Variants in TRMT44 observed in about 807,000 individuals in gnomAD.
TRMT44 encodes tRNA methyltransferase 44 homolog, also known as probable tRNA (uracil-O(2)-)-methyltransferase.
Under a neutral mutation model 77.3 loss-of-function variants are expected in TRMT44, and 78 were observed. The ratio of observed to expected loss-of-function variants is 1.01; its 90% CI spans 0.84 to 1.22. The LOEUF is 1.22. Ranked by LOEUF, TRMT44 falls within the 50% of genes most tolerant of loss-of-function variation. The pLI is 0.00. For missense variants in TRMT44, 1,090 were observed against 964.4 expected (o/e 1.13, Z -1.73); for synonymous variants, 391 against 383.3 (o/e 1.02, Z -0.23).
At chr4:8,467,334 A>C (rs547601684) in intron 8 of TRMT44, among the ~76,000 whole-genome samples, 38 of 152,154 alleles carry the variant, frequency 2.5e-4, no homozygotes, top group African/African-American at 8.9e-4. Flanking sequence ...CGGGCCCAGG[A>C]GTGTGGACTC....
intron 2 of TRMT44, among the ~76,000 whole-genome samples, chr4:8,490,305 C>T (rs1013745604): frequency 7.2e-5 from 11 of 152,328 alleles, no homozygotes; most frequent in Non-Finnish European, 1.2e-4. Context: ...CACAGACCCT[C>T]GCGGTGAGTG....
chr4:8,515,282 C>T, the TRMT44 span, among the ~76,000 whole-genome samples: 8 of 152,172 alleles, frequency 5.3e-5, no homozygotes, highest in Non-Finnish European at 1.0e-4. Flanking sequence ...TATTTATTTA[C>T]CACCCAATTT....
intron 2 of TRMT44, among the ~76,000 whole-genome samples, chr4:8,489,856 G>C (rs1372675987): frequency 1.3e-5 from 2 of 152,172 alleles, no homozygotes; most frequent in African/African-American, 2.4e-5. Context: ...CCGTCAGACT[G>C]GGGGAGGAGA....
intron 8 of TRMT44, among the ~76,000 whole-genome samples, chr4:8,466,452 C>T (rs938342775): frequency 2.6e-5 from 4 of 152,212 alleles, no homozygotes; most frequent in South Asian, 4.1e-4. Flanking sequence ...TGTGGGCACT[C>T]GCTGGCCGGC....
chr4:8,498,139 G>GT (rs144331820), downstream of TRMT44, among the ~76,000 whole-genome samples: 1,579 of 152,246 alleles, frequency 0.01, 28 homozygotes, highest in African/African-American at 0.036. This position sits in a 1 kb window ranked among gnomAD's most constrained non-coding sequence, Gnocchi z 4.3. Flanking sequence ...CTTCTCCGGG[G>GT]TTTTCTCCTC....
In TRMT44 at chr4:8,451,069, A is replaced by G. The variant is rs1560222883; in HGVS notation, c.955-891A>G. 1.3e-5 allele frequency among the ~76,000 whole-genome samples: 2 copies of G among 152,000 alleles called. No homozygotes were observed. The highest frequency in any genetic ancestry group is 2.9e-5 in the Non-Finnish European group (2 of 68,000). ...AGGCTTGAGCCACTGCCCGGCTTCC[A>G]TGTATTTTTTTAATCAGTCACGTCT... On this transcript the variant is annotated intron_variant, in intron 3 of 10. Coordinates refer to ENST00000389737, the MANE Select transcript of TRMT44 (RefSeq NM_152544.3). The surrounding 1 kb of genome is among the most constrained non-coding windows in gnomAD (Gnocchi z 4.1).
rs1342326447 is a variant in TRMT44 at position 8,444,835 on chromosome 4, A to T, written c.620-1641A>T. Among the ~76,000 whole-genome samples the T allele has an allele frequency of 1.3e-5, 2 of 152,368 alleles. No homozygotes were observed. The highest frequency in any genetic ancestry group is 4.1e-4 in the South Asian group (2 of 4,828). ...TTGCATGCCTGGATCAAAACATTTC[A>T]TGTACCCTGTAAATATATATACCTG... On this transcript the variant is annotated intron_variant, in intron 1 of 10. Transcript: ENST00000389737. This position sits in a 1 kb window ranked among gnomAD's most constrained non-coding sequence, Gnocchi z 4.0.
At chr4:8,510,646 C>T in the TRMT44 span, 1 of 152,552 alleles carries the variant, frequency 6.6e-6, no homozygotes, top group African/African-American at 2.4e-5. Context: ...AGGCGTGGAC[C>T]TCAGGGGGTG....
the TRMT44 span, among the ~76,000 whole-genome samples, chr4:8,505,809 C>T: frequency 6.6e-6 from 1 of 152,114 alleles, no homozygotes; most frequent in Non-Finnish European, 1.5e-5. Context: ...GGCGGTTTCC[C>T]CCATGCTGTT....
intron 2 of TRMT44, among the ~76,000 whole-genome samples, chr4:8,489,587 C>T (rs1264334207): frequency 6.6e-6 from 1 of 152,230 alleles, no homozygotes; most frequent in East Asian, 1.9e-4. Context: ...AGCGATTCTC[C>T]TGCCTCAGCC....
Position 8,446,485 on chromosome 4 carries a change from A to G in TRMT44, c.629A>G (p.Asn210Ser), listed in dbSNP as rs193044092. ...CTCTTTTTCTTTCCAGATGTCCTCA[A>G]TGGAACCATAACGTTTTTGCCTTTG... is the stretch of plus-strand genomic sequence containing the variant. ...RREIVVQDVLNGTITFLPLEE... is the reference protein window; with the variant it reads ...RREIVVQDVLSGTITFLPLEE... Residue 210 changes from asparagine (N) to serine (S), a missense_variant, in exon 2 of 11, where the codon AAT (asparagine) becomes AGT (serine). Coordinates refer to ENST00000389737, the MANE Select transcript of TRMT44 (RefSeq NM_152544.3). This position sits in a 1 kb window ranked among gnomAD's most constrained non-coding sequence, Gnocchi z 4.3. 1.2e-5 allele frequency: 19 copies of G among 1,535,462 alleles called. No homozygotes were observed. The African/African-American group carries it at 1.4e-4, about 11-fold the overall frequency.
the TRMT44 span, among the ~76,000 whole-genome samples, chr4:8,516,176 A>G: frequency 6.6e-6 from 1 of 152,116 alleles, no homozygotes; most frequent in Non-Finnish European, 1.5e-5. Context: ...CCACGCTCCA[A>G]CCCACCACCT....
In TRMT44 at chr4:8,457,475, T is replaced by C. The variant is rs572446093; in HGVS notation, c.1203+2662T>C. Among the ~76,000 whole-genome samples the C allele has an allele frequency of 2.0e-5, 3 of 152,296 alleles. No individual in the cohort carries two copies. The East Asian group carries it at 5.8e-4, about 29-fold the overall frequency. On this transcript the variant is annotated intron_variant, in intron 6 of 10. Coordinates refer to ENST00000389737, the MANE Select transcript of TRMT44 (RefSeq NM_152544.3). ...ACCTCTTGAGTTAACACCAATGGTG[T>C]TGATGTGGTCTGCTTGACCCCAAAC...
rs941182908 is a variant in TRMT44, at chr4:8,468,192, C to T, written c.1773C>T (p.Pro591=). ...GACCCTGGCTACCTGGATTTCATCCCAGAGAAAAGGCTGAGCGTGTGAGGA... is the reference window on the plus strand; with the variant it reads ...GACCCTGGCTACCTGGATTTCATCCTAGAGAAAAGGCTGAGCGTGTGAGGA... ...AEGPWLPGFH[P]REKAERVRNC... Residue 591 remains proline, a synonymous_variant, in exon 9 of 11, where the codon CCC becomes CCT. Coordinates refer to ENST00000389737, the MANE Select transcript of TRMT44 (RefSeq NM_152544.3). The T allele has an allele frequency of 1.2e-6, 2 of 1,614,068 alleles. No individual in the cohort carries two copies. The highest frequency in any genetic ancestry group is 1.7e-5 in the Admixed American group (1 of 60,012).
At chr4:8,497,417 G>A (rs544372080), downstream of TRMT44, among the ~76,000 whole-genome samples, 185 of 152,244 alleles carry the variant, frequency 1.2e-3, 2 homozygotes, top group South Asian at 8.3e-4. Context: ...AGGCCGAGGC[G>A]GGTGGATCAC....
At chr4:8,472,886 T>G (rs1366068953) in intron 10 of TRMT44, among the ~76,000 whole-genome samples, 1 of 152,204 alleles carries the variant, frequency 6.6e-6, no homozygotes, top group Non-Finnish European at 1.5e-5. Context: ...CCTCTTTCTG[T>G]CTTTCCCAAC....
At position 8,468,196 on chromosome 4, in the gene TRMT44, G is replaced by GA. The variant is rs776773029; in HGVS notation, c.1781dup (p.Ala595GlyfsTer2). ...CTGGCTACCTGGATTTCATCCCAGA[G>GA]AAAAGGCTGAGCGTGTGAGGAACTG... On this transcript the variant is annotated frameshift_variant, in exon 9 of 11. Coordinates refer to ENST00000389737, the MANE Select transcript of TRMT44 (RefSeq NM_152544.3). LOFTEE classifies it high-confidence loss of function. The GA allele has an allele frequency of 1.2e-6, 2 of 1,614,242 alleles. No homozygotes were observed. Among genetic ancestry groups the GA allele is most frequent in the Non-Finnish European group, 1.7e-6 (2 of 1,180,054 alleles).
chr4:8,498,056 A>G (rs1023083191), downstream of TRMT44, among the ~76,000 whole-genome samples: 1 of 152,158 alleles, frequency 6.6e-6, no homozygotes, highest in African/African-American at 2.4e-5. The surrounding 1 kb of genome is among the most constrained non-coding windows in gnomAD (Gnocchi z 4.3). Context: ...ACTCCAGTGC[A>G]AATCAGGACT....
chr4:8,449,981 G>C, intron 3 of TRMT44, 93 bp downstream of exon 3: 1 of 497,788 alleles, frequency 2.0e-6, no homozygotes, highest in South Asian at 2.6e-5. Flanking sequence ...TTTTGCGACA[G>C]TCTTGTTCTG....
Sources: gnomAD v4.1 joint callset for allele counts (sites outside exome capture counted in the v4.1 genomes callset) on GRCh38, gnomAD v4.1.1 for gene constraint, Gnocchi (gnomAD v3.1) non-coding constraint, MANE v1.5 for transcripts, NCBI Gene and HGNC (gene_info 2026-07-23, HGNC 2026-07-21) for gene names.